The following TNIP3 variants were observed in gnomAD, a reference collection of about 807,000 sequenced individuals.
TNIP3 encodes TNFAIP3 interacting protein 3, also known as TNFAIP3-interacting protein 3.
A neutral mutation model predicts 54.1 loss-of-function variants in TNIP3; 34 were observed. The observed-to-expected ratio is 0.63, with a 90% CI of 0.48 to 0.84. The LOEUF (loss-of-function observed/expected upper bound fraction) is 0.84. Among genes scored for constraint, TNIP3 ranks in the 40% least tolerant of loss-of-function variants. The probability of loss-of-function intolerance (pLI) is 0.00; values close to 1 mark genes in which losing one functional copy is unlikely to be tolerated. For synonymous variants in TNIP3, 134 were observed against 136.8 expected (o/e 0.98, Z 0.14); for missense variants, 366 against 387.6 (o/e 0.94, Z 0.47).
intron 3 of TNIP3, among the ~76,000 whole-genome samples, chr4:121,177,621 T>C (rs963397445): frequency 1.3e-5 from 2 of 152,224 alleles, no homozygotes; most frequent in Non-Finnish European, 2.9e-5. Context: ...AAAGGGAATC[T>C]ACCTTATTGT....
intron 2 of TNIP3, among the ~76,000 whole-genome samples, chr4:121,201,467 G>C (rs1016253964): frequency 6.6e-6 from 1 of 152,130 alleles, no homozygotes; most frequent in African/African-American, 2.4e-5. Flanking sequence ...AAGACAATAG[G>C]TTTTCTAAGA....
At chr4:121,189,509 T>C (rs1725192005) in intron 2 of TNIP3, among the ~76,000 whole-genome samples, 1 of 152,216 alleles carries the variant, frequency 6.6e-6, no homozygotes, top group Non-Finnish European at 1.5e-5. Flanking sequence ...ACTATGCTCC[T>C]GGTGATTTTG....
In TNIP3 at chr4:121,197,298, CG is replaced by C. The variant is rs1725646839; in HGVS notation, c.69-14503del. On this transcript the variant is annotated intron_variant, in intron 2 of 12. Coordinates refer to the TNIP3 transcript ENST00000507879. ...ATCCCAGCGTTTTGGGAAGCTGAAG[CG>C]GGTGGATCACCTGACGTCAGGAGTT... is the stretch of plus-strand genomic sequence containing the variant. Among the ~76,000 whole-genome samples, 5 of 152,134 alleles carry C rather than the reference CG, an allele frequency of 3.3e-5. No individual in the cohort carries two copies. In the South Asian group the frequency reaches 1.0e-3, roughly 32 times the overall value.
chr4:121,142,219 A>G (rs892362861), intron 8 of TNIP3, among the ~76,000 whole-genome samples: 16 of 152,186 alleles, frequency 1.1e-4, no homozygotes, highest in Non-Finnish European at 2.1e-4. Flanking sequence ...TCAATGAAGA[A>G]AATCTATTCA....
chr4:121,193,911 T>G (rs1725432285), intron 2 of TNIP3, among the ~76,000 whole-genome samples: 1 of 152,154 alleles, frequency 6.6e-6, no homozygotes, highest in Non-Finnish European at 1.5e-5. Flanking sequence ...CTACAGAATA[T>G]CAAGCCTATA....
rs192179497 is a variant in TNIP3 at position 121,153,846 on chromosome 4, T to C, written c.492+705A>G. 1.1e-3 allele frequency among the ~76,000 whole-genome samples: 170 copies of C among 152,328 alleles called. 2 individuals carry two copies. Among genetic ancestry groups the C allele is most frequent in the Admixed American group, 0.01 (158 of 15,298 alleles). On this transcript the variant is annotated intron_variant, in intron 5 of 10. Transcript: ENST00000057513. ...TTGCTTTTATCATGAAATATCTAGT[T>C]GAGAGAGGCATATCTCAACTCAACC...
intron 5 of TNIP3, among the ~76,000 whole-genome samples, chr4:121,151,431 G>A (rs936721540): frequency 4.6e-5 from 7 of 152,180 alleles, no homozygotes; most frequent in Non-Finnish European, 8.8e-5. Flanking sequence ...CACAAATACT[G>A]TCTAGCCTGA....
At chr4:121,145,611 T>C (rs1463819914) in intron 7 of TNIP3, among the ~76,000 whole-genome samples, 1 of 149,100 alleles carries the variant, frequency 6.7e-6, no homozygotes, top group Non-Finnish European at 1.5e-5. Context: ...TTTAATTAAA[T>C]ATAATTATAT....
At chr4:121,209,599 T>C (rs551586260) in intron 2 of TNIP3, among the ~76,000 whole-genome samples, 1 of 152,268 alleles carries the variant, frequency 6.6e-6, no homozygotes, top group South Asian at 2.1e-4. Flanking sequence ...CCAGAGGAAA[T>C]AATTAGGCTC....
At chr4:121,181,168 T>C (rs950536819) in intron 3 of TNIP3, among the ~76,000 whole-genome samples, 4 of 152,156 alleles carry the variant, frequency 2.6e-5, no homozygotes, top group South Asian at 2.1e-4. Flanking sequence ...AGAAGTCGAA[T>C]GAACAGAATT....
intron 1 of TNIP3, among the ~76,000 whole-genome samples, chr4:121,226,279 G>A (rs1727253398): frequency 6.6e-6 from 1 of 152,024 alleles, no homozygotes; most frequent in South Asian, 2.1e-4. Flanking sequence ...AAGAAAGAGA[G>A]ACAGAGTGAA....
In TNIP3 at chr4:121,159,759, G is replaced by T. The variant is rs184969315; in HGVS notation, c.148-1007C>A. 4.5e-4 allele frequency among the ~76,000 whole-genome samples: 69 copies of T among 152,320 alleles called. 1 individual carries two copies. The East Asian group carries it at 0.012, about 26-fold the overall frequency. On this transcript the variant is annotated intron_variant, in intron 2 of 10. Transcript: ENST00000057513. The stretch of plus-strand genomic sequence containing the variant: ...AGATCTTAAGACTATCTGCTAATTA[G>T]AAGGCAGAAGAAGTGCTATGATATG...
chr4:121,165,054 A>T (rs1244681187), upstream of TNIP3, among the ~76,000 whole-genome samples: 2 of 152,012 alleles, frequency 1.3e-5, no homozygotes, highest in Non-Finnish European at 2.9e-5. Flanking sequence ...TTGGACTTGG[A>T]ACAAAAGGAA....
chr4:121,163,107 T>C (rs758236005), intron 1 of TNIP3, among the ~76,000 whole-genome samples: 1 of 152,016 alleles, frequency 6.6e-6, no homozygotes, highest in Non-Finnish European at 1.5e-5. Context: ...ACTGCACGAG[T>C]ACTAGTTTTT....
chr4:121,144,166 T>C (rs1729291718), intron 7 of TNIP3, among the ~76,000 whole-genome samples: 1 of 152,196 alleles, frequency 6.6e-6, no homozygotes. Context: ...TCTTTTACTA[T>C]ATTGTGAGTT....
At chr4:121,180,632 G>A (rs1579451059) in intron 3 of TNIP3, among the ~76,000 whole-genome samples, 1 of 152,306 alleles carries the variant, frequency 6.6e-6, no homozygotes, top group South Asian at 2.1e-4. Flanking sequence ...ACCCATAAAA[G>A]AAGATGGGGT....
At chr4:121,219,371 T>C (rs559261341), upstream of TNIP3, among the ~76,000 whole-genome samples, 4 of 152,232 alleles carry the variant, frequency 2.6e-5, no homozygotes, top group South Asian at 8.3e-4. Flanking sequence ...ATTCCTATAC[T>C]GCTAAAGAAG....
At chr4:121,206,830 A>T (rs1016861836) in intron 2 of TNIP3, among the ~76,000 whole-genome samples, 1 of 152,264 alleles carries the variant, frequency 6.6e-6, no homozygotes, top group East Asian at 1.9e-4. Context: ...TCAGCCTCCC[A>T]AAGTGCTAGG....
chr4:121,164,242 T>A lies in TNIP3; in HGVS notation c.-117A>T. 1 of 1,528,994 alleles carries A rather than the reference T, an allele frequency of 6.5e-7. No homozygotes were observed. Among genetic ancestry groups the A allele is most frequent in the South Asian group, 1.2e-5 (1 of 80,370 alleles). The allele number at this position is 1,528,994 out of a possible 1,614,324, so 94.7% of individuals were successfully genotyped here. A position where few individuals can be genotyped will look rare whatever the true frequency, so the allele number is the denominator to read the frequency against. ...AAATTTAAAAAACACACATCACCGT[T>A]AACTCATAATAGAAAATAACAGCAA... On this transcript the variant is annotated 5_prime_UTR_variant, in exon 1 of 11. An upstream open reading frame in the 5' UTR loses its in-frame stop. Coordinates refer to ENST00000057513, the MANE Select transcript of TNIP3 (RefSeq NM_024873.6).
Sources: allele counts gnomAD v4.1 joint callset (sites outside exome capture counted in the v4.1 genomes callset), GRCh38; gene constraint gnomAD v4.1.1; transcripts MANE v1.5; gene names NCBI Gene and HGNC (gene_info 2026-07-23, HGNC 2026-07-21).